The following ADCY10 variants were observed in gnomAD, a reference collection of about 807,000 sequenced individuals.
The protein encoded by ADCY10 is adenylate cyclase 10.
A neutral mutation model predicts 183.3 loss-of-function variants in ADCY10; 156 were observed. The ratio of observed to expected loss-of-function variants is 0.85; its 90% CI spans 0.75 to 0.97. The LOEUF (loss-of-function observed/expected upper bound fraction) is 0.97. Among genes scored for constraint, ADCY10 ranks in the 50% least tolerant of loss-of-function variants. The probability of loss-of-function intolerance (pLI) is 0.00; values close to 1 mark genes in which losing one functional copy is unlikely to be tolerated. For missense variants in ADCY10, 1,745 were observed against 1,934.3 expected (o/e 0.90, Z 1.84); for synonymous variants, 645 against 670.0 (o/e 0.96, Z 0.58).
Position 167,880,579 on chromosome 1 carries a change from G to A in ADCY10, c.1051C>T (p.Pro351Ser), listed in dbSNP as rs769108528. The A allele has an allele frequency of 4.3e-6, 7 of 1,613,930 alleles. No individual in the cohort carries two copies. The highest frequency in any genetic ancestry group is 3.4e-6 in the Non-Finnish European group (4 of 1,179,986). ...GCSFLCVFGF[P>S]GEKVPDELTH... is the part of the protein sequence containing the mutation. The stretch of plus-strand genomic sequence containing the variant: ...AGCTCGTCAGGTACCTTTTCCCCAG[G>A]GAAGCCAAAGACACAGAGGAAAGAG... The change falls in exon 10 of 33, where the codon CCT becomes TCT. Residue 351 changes from proline (P) to serine (S), a missense_variant. Coordinates refer to ENST00000367851, the MANE Select transcript of ADCY10 (RefSeq NM_018417.6).
Position 167,829,571 on chromosome 1 carries a change from G to C in ADCY10, c.3594-148C>G, listed in dbSNP as rs1663566066. 4 of 845,034 alleles carry C rather than the reference G, an allele frequency of 4.7e-6. No homozygotes were observed. The South Asian group carries it at 6.0e-5, about 13-fold the overall frequency. The allele number at this position is 845,034 out of a possible 1,614,324, so 52.3% of individuals were successfully genotyped here. On this transcript the variant is annotated intron_variant, in intron 25 of 32. Transcript: ENST00000367851. ...GCCTGTCTCCATGACTGACAAACAAGCACATTAATTTTTATGGAGCACATT... is the reference window on the plus strand; with the variant it reads ...GCCTGTCTCCATGACTGACAAACAACCACATTAATTTTTATGGAGCACATT...
intron 31 of ADCY10, among the ~76,000 whole-genome samples, chr1:167,814,666 C>T (rs1175183610): frequency 6.6e-6 from 1 of 151,996 alleles, no homozygotes; most frequent in Non-Finnish European, 1.5e-5. Context: ...ATATAACAAA[C>T]ATACACTTAA....
chr1:167,811,459 C>T (rs938320569), intron 31 of ADCY10, among the ~76,000 whole-genome samples: 5 of 152,112 alleles, frequency 3.3e-5, no homozygotes, highest in Non-Finnish European at 7.4e-5. Context: ...TGGTCGTGCA[C>T]GCCTGTAGTC....
chr1:167,863,700 T>C (rs1666459044), intron 14 of ADCY10, among the ~76,000 whole-genome samples: 1 of 152,232 alleles, frequency 6.6e-6, no homozygotes, highest in Non-Finnish European at 1.5e-5. Flanking sequence ...ACGCGGATCC[T>C]GAGAGCTCTC....
chr1:167,883,358 T>C (rs1343682509), intron 9 of ADCY10, 79 bp downstream of exon 9: 2 of 1,509,768 alleles, frequency 1.3e-6, no homozygotes. Context: ...ATTTCCTGTG[T>C]CTATTCTCAC....
At chr1:167,860,818 T>G (rs1558198792) in intron 15 of ADCY10, 53 bp downstream of exon 15, 2 of 1,468,004 alleles carry the variant, frequency 1.4e-6, no homozygotes, top group South Asian at 2.3e-5. Flanking sequence ...CAGAGAGGAG[T>G]TGCTGTGCCT....
intron 30 of ADCY10, chr1:167,819,974 T>A: frequency 7.2e-7 from 1 of 1,396,352 alleles, no homozygotes; most frequent in South Asian, 1.2e-5. Flanking sequence ...TTCCATTGTT[T>A]TGCCACTAAC....
Position 167,824,749 on chromosome 1 carries a change from G to T in ADCY10, c.3857C>A (p.Pro1286His). The T allele has an allele frequency of 6.2e-7, 1 of 1,614,188 alleles. No individual in the cohort carries two copies. Among genetic ancestry groups the T allele is most frequent in the Non-Finnish European group, 8.5e-7 (1 of 1,180,024 alleles). ...GATTTCAATGCCCTCGCCTTTCAGG[G>T]GGAGGTTGAAGATGTGCTCCATGGC... ...VMAMEHIFNL[P>H]LKGEGIEIVA... Residue 1286 changes from proline (P) to histidine (H), a missense_variant, in exon 27 of 33, where the codon CCC becomes CAC. Pro to His is a moderately conservative substitution (Grantham distance 77, BLOSUM62 -2). Coordinates refer to ENST00000367851, the MANE Select transcript of ADCY10 (RefSeq NM_018417.6).
Position 167,902,155 on chromosome 1 carries a change from G to A in ADCY10, c.254-101C>T, listed in dbSNP as rs539671364. The A allele has an allele frequency of 7.0e-6, 8 of 1,146,768 alleles. No homozygotes were observed. In the South Asian group the frequency reaches 1.0e-4, roughly 14 times the overall value. 71.0% of individuals were successfully genotyped at this position (1,146,768 alleles called of 1,614,324 possible). A position where few individuals can be genotyped will look rare whatever the true frequency, so the allele number is the denominator to read the frequency against. On this transcript the variant is annotated intron_variant, in intron 3 of 32. Transcript: ENST00000367851. ...GAATAGAAACTAGGTCAAAAGAACA[G>A]TGATTCAGAGAATAGGCTTATACTA... is the stretch of plus-strand genomic sequence containing the variant.
chr1:167,859,881 G>T lies in ADCY10; in HGVS notation c.1822C>A (p.Arg608=), dbSNP rs749325871. 2.5e-6 allele frequency: 4 copies of T among 1,608,848 alleles called. No homozygotes were observed. Among genetic ancestry groups the T allele is most frequent in the Admixed American group, 3.3e-5 (2 of 60,002 alleles). Residue 608 remains arginine, a synonymous_variant, in exon 16 of 33, where the codon CGG becomes AGG. Transcript: ENST00000367851. The part of the protein sequence containing the change: ...DIFHVQFPIS[R]EISRMSTLKK... ...AAGGTGCTCATCCTGGAAATCTCCC[G>T]AGAAATAGGGAACTGTACAAAGAAT... is the stretch of plus-strand genomic sequence containing the variant.
intron 8 of ADCY10, among the ~76,000 whole-genome samples, chr1:167,892,417 G>A (rs1027815276): frequency 3.3e-5 from 5 of 152,174 alleles, no homozygotes; most frequent in African/African-American, 1.2e-4. Flanking sequence ...GTAAAAGGTT[G>A]TCTTTGGTCT....
At chr1:167,858,452 C>T (rs762872018) in intron 16 of ADCY10, among the ~76,000 whole-genome samples, 10 of 142,236 alleles carry the variant, frequency 7.0e-5, no homozygotes, top group South Asian at 2.2e-4. Flanking sequence ...GAGCCGAGAC[C>T]GCACCATTGC....
chr1:167,906,667 T>C (rs1219574034), intron 1 of ADCY10, among the ~76,000 whole-genome samples: 4 of 150,270 alleles, frequency 2.7e-5, no homozygotes, highest in Non-Finnish European at 4.4e-5. Context: ...CATGCACCTG[T>C]AGTCCCAGCT....
intron 10 of ADCY10, 80 bp from the exon 11 acceptor site, chr1:167,880,271 T>A (rs1667778545): frequency 7.7e-7 from 1 of 1,291,096 alleles, no homozygotes; most frequent in East Asian, 2.4e-5. Context: ...TGGGAAATAA[T>A]GTCTGGGTTG....
chr1:167,863,710 C>T (rs77362562), intron 14 of ADCY10, among the ~76,000 whole-genome samples: 1 of 152,218 alleles, frequency 6.6e-6, no homozygotes, highest in Non-Finnish European at 1.5e-5. Flanking sequence ...TGAGAGCTCT[C>T]CTGGGTAGGC....
chr1:167,857,224 T>C (rs982010216), intron 16 of ADCY10, among the ~76,000 whole-genome samples: 1 of 152,218 alleles, frequency 6.6e-6, no homozygotes, highest in African/African-American at 2.4e-5. Context: ...AGACTGCTAA[T>C]GGCTGCTTTT....
intron 24 of ADCY10, among the ~76,000 whole-genome samples, chr1:167,833,704 C>G (rs1465696010): frequency 2.0e-5 from 3 of 149,840 alleles, no homozygotes; most frequent in African/African-American, 7.4e-5. Context: ...GATATCACGC[C>G]ACTGTATTCC....
At chr1:167,822,615 C>T (rs1421970580) in intron 29 of ADCY10, among the ~76,000 whole-genome samples, 1 of 152,110 alleles carries the variant, frequency 6.6e-6, no homozygotes, top group Non-Finnish European at 1.5e-5. Flanking sequence ...TAGCTACCAG[C>T]CTGGAACTCT....
chr1:167,894,012 T>C, intron 7 of ADCY10, 71 bp from the exon 8 acceptor site: 1 of 1,033,388 alleles, frequency 9.7e-7, no homozygotes, highest in Non-Finnish European at 1.5e-6. Context: ...GAGAGGAGGC[T>C]CCCAGTCCCT....
Sources: allele counts gnomAD v4.1 joint callset (sites outside exome capture counted in the v4.1 genomes callset), GRCh38; gene constraint gnomAD v4.1.1; transcripts MANE v1.5; gene names NCBI Gene and HGNC (gene_info 2026-07-23, HGNC 2026-07-21).